The following CD99 variants were observed in gnomAD, a reference collection of about 807,000 sequenced individuals.
The protein encoded by CD99 is CD99 molecule (Xg blood group), also known as CD99 antigen.
CD99 carries 19 observed loss-of-function variants against 28.4 expected under a neutral mutation model. The ratio of observed to expected loss-of-function variants is 0.67; its 90% CI spans 0.47 to 0.98. The LOEUF is 0.98. Among genes scored for constraint, CD99 ranks in the 50% least tolerant of loss-of-function variants. The pLI is 0.00. For synonymous variants in CD99, 103 were observed against 92.1 expected, an observed-to-expected ratio of 1.12 and a Z score of -0.67; for missense variants, 283 against 248.8, an observed-to-expected ratio of 1.14 and a Z score of -0.92.
Position 2,740,643 on chromosome X carries a change from C to G in CD99, c.533-136C>G, listed in dbSNP as rs2050152436. 5 of 721,892 alleles carry G rather than the reference C, an allele frequency of 6.9e-6. No homozygotes were observed. The East Asian group carries it at 1.3e-4, about 18-fold the overall frequency. The allele number at this position is 721,892 out of a possible 1,614,324, so 44.7% of individuals were successfully genotyped here. A position where few individuals can be genotyped will look rare whatever the true frequency, so the allele number is the denominator to read the frequency against. On this transcript the variant is annotated intron_variant, in intron 9 of 9. Transcript: ENST00000381192. ...GAATTGATTGAGATTTAGGGTTTTG[C>G]TTTCTCGTGATGAGTTTTGGGCCCA... is the stretch of plus-strand genomic sequence containing the variant.
chrX:2,702,332 AC>A (rs2047899479), intron 1 of CD99, among the ~76,000 whole-genome samples: 1 of 148,660 alleles, frequency 6.7e-6, no homozygotes, highest in African/African-American at 2.5e-5. Flanking sequence ...CCCCTACCCC[AC>A]CCCCAGGATG....
intron 3 of CD99, among the ~76,000 whole-genome samples, chrX:2,718,766 A>T (rs1427461553): frequency 1.3e-5 from 2 of 152,214 alleles, no homozygotes; most frequent in Non-Finnish European, 2.9e-5. Flanking sequence ...AGTAAAAATG[A>T]TGCTAAAACT....
At chrX:2,738,145 G>C in intron 8 of CD99, 55 bp from the exon 9 acceptor site, 1 of 1,496,478 alleles carries the variant, frequency 6.7e-7, no homozygotes, top group South Asian at 1.1e-5. Flanking sequence ...TGTATTTTGA[G>C]GAGTGGGTTA....
In CD99 at chrX:2,725,502, G is replaced by T. The variant is rs760544125; in HGVS notation, c.362-758G>T. Among the ~76,000 whole-genome samples, 4 of 152,322 alleles carry T rather than the reference G, an allele frequency of 2.6e-5. No homozygotes were observed. The South Asian group carries it at 8.3e-4, about 32-fold the overall frequency. On this transcript the variant is annotated intron_variant, in intron 7 of 9. Coordinates refer to ENST00000381192, the MANE Select transcript of CD99 (RefSeq NM_002414.5). ...AGGGGTGAAAAAGGAGCATTCTAACGATACAAAACGCATTGGCAAATGCCC... is the reference window on the plus strand; with the variant it reads ...AGGGGTGAAAAAGGAGCATTCTAACTATACAAAACGCATTGGCAAATGCCC...
intron 1 of CD99, among the ~76,000 whole-genome samples, chrX:2,700,585 C>T (rs898292310): frequency 3.3e-5 from 5 of 151,514 alleles, no homozygotes; most frequent in African/African-American, 7.3e-5. Flanking sequence ...TCCATCCATC[C>T]GTCGTCCCAT....
At chrX:2,720,230 G>C in intron 4 of CD99, 126 bp from the exon 5 acceptor site, 1 of 786,164 alleles carries the variant, frequency 1.3e-6, no homozygotes, top group South Asian at 1.5e-5. Context: ...TGTGTGTACA[G>C]GTATCCCCAC....
chrX:2,718,528 C>G (rs1305314061), intron 3 of CD99, among the ~76,000 whole-genome samples: 3 of 152,096 alleles, frequency 2.0e-5, no homozygotes, highest in African/African-American at 4.8e-5. Context: ...GCCACCACGC[C>G]CAGCTAATTT....
intron 3 of CD99, 74 bp from the exon 4 acceptor site, chrX:2,719,587 G>C: frequency 8.2e-7 from 1 of 1,226,192 alleles, no homozygotes; most frequent in South Asian, 1.2e-5. Flanking sequence ...GTGTGTTTTT[G>C]ATCTGTTCAC....
In CD99 at chrX:2,723,544, C is replaced by G. The variant is rs189375834; in HGVS notation, c.361+180C>G. 1.6e-4 allele frequency: 113 copies of G among 698,824 alleles called. No homozygotes were observed. In the African/African-American group the frequency reaches 1.8e-3, roughly 11 times the overall value. 43.3% of individuals were successfully genotyped at this position (698,824 alleles called of 1,614,324 possible). On this transcript the variant is annotated intron_variant, in intron 7 of 9. Transcript: ENST00000381192. ...GTAGCTGCAGAGGTCCCCCAGCAAA[C>G]CAGCCCTGCTCCGGGTGCCCACGTG...
intron 1 of CD99, among the ~76,000 whole-genome samples, chrX:2,692,407 G>A (rs997336399): frequency 1.3e-4 from 20 of 152,196 alleles, no homozygotes; most frequent in African/African-American, 3.9e-4. Flanking sequence ...TGGGGAGGAC[G>A]GAGGAGGCCC....
chrX:2,712,433 C>A (rs1716170360), intron 1 of CD99, among the ~76,000 whole-genome samples: 1 of 151,920 alleles, frequency 6.6e-6, no homozygotes, highest in South Asian at 2.1e-4. Flanking sequence ...AAAAAAAATA[C>A]TTCAAAAAAT....
In CD99 at chrX:2,713,934, G is replaced by A. The variant is rs769524074; in HGVS notation, c.68-488G>A. Among the ~76,000 whole-genome samples, 3 of 152,214 alleles carry A rather than the reference G, an allele frequency of 2.0e-5. No homozygotes were observed. In the East Asian group the frequency reaches 5.8e-4, roughly 29 times the overall value. ...AACAGGGTAGCCTATCAATAATTCA[G>A]CATGCCAGTTTCCTCATTCCGTGGG... On this transcript the variant is annotated intron_variant, in intron 1 of 9. Transcript: ENST00000381192.
rs1371268228 is a variant in CD99 at position 2,723,331 on chromosome X, G to A, written c.328G>A (p.Gly110Ser). 4 of 1,613,978 alleles carry A rather than the reference G, an allele frequency of 2.5e-6. No homozygotes were observed. Among genetic ancestry groups the A allele is most frequent in the Non-Finnish European group, 3.4e-6 (4 of 1,179,864 alleles). ...SGGEGKGGSD[G>S]GGSHRKEGEE... The stretch of plus-strand genomic sequence containing the variant: ...TCTTGCAGGAAAAGGAGGCAGTGAT[G>A]GTGGAGGCAGCCACAGGAAAGAAGG... The change falls in exon 7 of 10, where the codon GGT becomes AGT. Residue 110 changes from glycine (G) to serine (S), a missense_variant. Gly to Ser is a moderately conservative substitution (Grantham distance 56). Transcript: ENST00000381192.
chrX:2,700,534 A>G (rs1424989620), intron 1 of CD99, among the ~76,000 whole-genome samples: 4 of 150,814 alleles, frequency 2.7e-5, no homozygotes, highest in Non-Finnish European at 5.9e-5. Context: ...GCATCCATCC[A>G]TCCATGCGTG....
At chrX:2,726,415 G>A (rs1271349834) in intron 8 of CD99, 42 bp downstream of exon 8, 15 of 1,268,392 alleles carry the variant, frequency 1.2e-5, no homozygotes, top group Admixed American at 1.7e-5. Context: ...ATGCCTTGCT[G>A]ATTGGAAAAC....
At chrX:2,731,961 C>T (rs1384450461) in intron 8 of CD99, among the ~76,000 whole-genome samples, 4 of 132,832 alleles carry the variant, frequency 3.0e-5, no homozygotes, top group Non-Finnish European at 6.6e-5. Flanking sequence ...CTCGTGTCTA[C>T]AAAAAACGTA....
chrX:2,699,139 T>C (rs1368298126), intron 1 of CD99, among the ~76,000 whole-genome samples: 2 of 135,996 alleles, frequency 1.5e-5, no homozygotes, highest in Non-Finnish European at 2.9e-5. Flanking sequence ...TCTTCTTTTC[T>C]TTTCTTTTGT....
intron 1 of CD99, among the ~76,000 whole-genome samples, chrX:2,709,788 C>A (rs311060): frequency 1.3e-5 from 2 of 152,030 alleles, no homozygotes; most frequent in East Asian, 3.9e-4. Flanking sequence ...GGAAAAAATC[C>A]AAAATGTGGC....
At chrX:2,692,263 C>T in intron 1 of CD99, 1 of 199,340 alleles carries the variant, frequency 5.0e-6, no homozygotes, top group Non-Finnish European at 9.0e-6. Flanking sequence ...ATTCTTTTTT[C>T]AATGGTCAGT....
Sources: gnomAD v4.1 joint callset for allele counts (sites outside exome capture counted in the v4.1 genomes callset) on GRCh38, gnomAD v4.1.1 for gene constraint, MANE v1.5 for transcripts, NCBI Gene and HGNC (gene_info 2026-07-23, HGNC 2026-07-21) for gene names.